MAGI2: variants seen among roughly 807,000 people sequenced by gnomAD.
The protein encoded by MAGI2 is membrane associated guanylate kinase, WW and PDZ domain containing 2.
A neutral mutation model predicts 133.3 loss-of-function variants in MAGI2; 35 were observed. That is an observed-to-expected ratio of 0.26 (90% CI 0.20 to 0.35). MAGI2 has a LOEUF of 0.35. MAGI2 is among the 10% of genes least tolerant of loss of function. MAGI2 has a pLI of 1.00. For synonymous variants in MAGI2, 729 were observed against 710.6 expected, an observed-to-expected ratio of 1.03 and a Z score of -0.41; for missense variants, 1,636 against 1,863.4, an observed-to-expected ratio of 0.88 and a Z score of 2.25.
intron 2 of MAGI2, among the ~76,000 whole-genome samples, chr7:78,657,364 C>G (rs1239695571): frequency 2.6e-5 from 4 of 152,186 alleles, no homozygotes; most frequent in Non-Finnish European, 5.9e-5. Context: ...ACACAAAAAC[C>G]TGCATGTGGA....
intron 2 of MAGI2, among the ~76,000 whole-genome samples, chr7:78,964,747 G>A (rs567485800): frequency 1.3e-5 from 2 of 152,134 alleles, no homozygotes; most frequent in South Asian, 4.1e-4. Context: ...TATACAAGGA[G>A]TAGTTACCAG....
intron 1 of MAGI2, among the ~76,000 whole-genome samples, chr7:79,148,530 T>G (rs1822867658): frequency 6.6e-6 from 1 of 152,174 alleles, no homozygotes; most frequent in African/African-American, 2.4e-5. Context: ...TATATCTTCT[T>G]GTTTGGGTTT....
intron 1 of MAGI2, among the ~76,000 whole-genome samples, chr7:79,084,354 T>G (rs111630286): frequency 6.6e-6 from 1 of 151,772 alleles, no homozygotes; most frequent in African/African-American, 2.4e-5. Flanking sequence ...GTTTTCAATT[T>G]AACTGTTTTT....
intron 6 of MAGI2, among the ~76,000 whole-genome samples, chr7:78,410,236 C>A (rs1329440634): frequency 6.6e-6 from 1 of 152,038 alleles, no homozygotes; most frequent in Non-Finnish European, 1.5e-5. Flanking sequence ...TTGGCGAAGA[C>A]TTTACAGAAT....
At chr7:78,236,042 T>TC (rs1790504718) in intron 10 of MAGI2, among the ~76,000 whole-genome samples, 1 of 151,962 alleles carries the variant, frequency 6.6e-6, no homozygotes, top group South Asian at 2.1e-4. Context: ...TTTTTTTTTT[T>TC]TTCTGAGTGA....
chr7:78,912,685 C>T (rs192985862), intron 2 of MAGI2, among the ~76,000 whole-genome samples: 8 of 149,398 alleles, frequency 5.4e-5, no homozygotes, highest in Admixed American at 2.7e-4. Context: ...ACCTTGTGTT[C>T]GTGTGAGTTA....
chr7:78,021,887 G>T (rs976910470), intron 21 of MAGI2, among the ~76,000 whole-genome samples: 1 of 152,158 alleles, frequency 6.6e-6, no homozygotes, highest in Non-Finnish European at 1.5e-5. Context: ...ACTTTCTAAG[G>T]GAAAGCACTT....
chr7:78,176,231 A>G (rs529025371), intron 14 of MAGI2, among the ~76,000 whole-genome samples: 11 of 152,240 alleles, frequency 7.2e-5, no homozygotes, highest in Non-Finnish European at 1.3e-4. Context: ...TGAGCCCTGT[A>G]TTTTACCTCA....
At chr7:79,334,365 TATC>T (rs905769185) in intron 1 of MAGI2, among the ~76,000 whole-genome samples, 3 of 152,178 alleles carry the variant, frequency 2.0e-5, no homozygotes, top group African/African-American at 7.2e-5. Flanking sequence ...GGTTGAGAAA[TATC>T]ATTTTGAATT....
At chr7:78,646,599 A>G (rs1474080489) in intron 2 of MAGI2, among the ~76,000 whole-genome samples, 1 of 152,238 alleles carries the variant, frequency 6.6e-6, no homozygotes, top group Non-Finnish European at 1.5e-5. Flanking sequence ...CTACAAAAAT[A>G]TACTTGGCAA....
chr7:78,733,623 C>T (rs1218519331), intron 2 of MAGI2, among the ~76,000 whole-genome samples: 2 of 152,010 alleles, frequency 1.3e-5, no homozygotes, highest in African/African-American at 2.4e-5. Flanking sequence ...TTAAAAGTAT[C>T]CTAAAATAAT....
At chr7:78,783,012 C>CTTTTTTTTTTTTTTTT (rs11432048) in intron 2 of MAGI2, among the ~76,000 whole-genome samples, 13 of 96,196 alleles carry the variant, frequency 1.4e-4, no homozygotes, top group South Asian at 3.6e-4. Flanking sequence ...TGATTCTTAC[C>CTTTTTTTTTTTTTTTT]TTTTTTTTTT....
rs71095386 is a variant in MAGI2 at position 79,191,402 on chromosome 7, C to CTTTTTTTTTTTTTTTTTTT, written c.302-184215_302-184197dup. 8.5e-4 allele frequency among the ~76,000 whole-genome samples: 19 copies of CTTTTTTTTTTTTTTTTTTT among 22,330 alleles called. 4 individuals are homozygous for CTTTTTTTTTTTTTTTTTTT. Among genetic ancestry groups the CTTTTTTTTTTTTTTTTTTT allele is most frequent in the African/African-American group, 1.7e-3 (13 of 7,586 alleles). 14.6% of individuals were successfully genotyped at this position (22,330 alleles called of 152,430 possible). ...TCTTTTTTTCTTTTTCTTTTTCTTT[C>CTTTTTTTTTTTTTTTTTTT]TTTTTTTTTTTTTTTTTTTTTTTTT... On this transcript the variant is annotated intron_variant, in intron 1 of 21. Transcript: ENST00000354212.
intron 1 of MAGI2, among the ~76,000 whole-genome samples, chr7:79,306,333 T>TAC (rs1476716855): frequency 2.7e-5 from 4 of 147,818 alleles, no homozygotes; most frequent in African/African-American, 4.9e-5. Context: ...TGTATATATA[T>TAC]ATATATTTGT....
At chr7:78,272,384 T>C (rs1452451139) in intron 9 of MAGI2, among the ~76,000 whole-genome samples, 2 of 152,232 alleles carry the variant, frequency 1.3e-5, no homozygotes, top group African/African-American at 4.8e-5. Context: ...TTAGAATAAA[T>C]GCGACGTGGT....
rs1332874087 is a variant in MAGI2, at chr7:79,364,467, G to A, written c.301+88553C>T. Among the ~76,000 whole-genome samples, 3 of 151,966 alleles carry A rather than the reference G, an allele frequency of 2.0e-5. No homozygotes were observed. The East Asian group carries it at 5.8e-4, about 29-fold the overall frequency. On this transcript the variant is annotated intron_variant, in intron 1 of 21. Transcript: ENST00000354212. ...ATGTTGTACACTATACATATATAAC[G>A]ACTTTATTTTTACATACAAAATAAA... is the stretch of plus-strand genomic sequence containing the variant.
intron 10 of MAGI2, among the ~76,000 whole-genome samples, chr7:78,226,447 C>G (rs1397748272): frequency 6.6e-6 from 1 of 152,084 alleles, no homozygotes. Context: ...TATAGCTGAG[C>G]CTTGAGACCA....
intron 9 of MAGI2, among the ~76,000 whole-genome samples, chr7:78,304,343 A>T (rs377148627): frequency 6.6e-6 from 1 of 151,942 alleles, no homozygotes; most frequent in East Asian, 1.9e-4. Context: ...GGATGCTCCT[A>T]CCTTTTCCTC....
intron 2 of MAGI2, among the ~76,000 whole-genome samples, chr7:78,971,424 G>A (rs1803775110): frequency 6.6e-6 from 1 of 151,938 alleles, no homozygotes; most frequent in Non-Finnish European, 1.5e-5. Context: ...ATATTCTATG[G>A]TAGGTACAGC....
Sources: gnomAD v4.1 joint callset for allele counts (sites outside exome capture counted in the v4.1 genomes callset) on GRCh38, gnomAD v4.1.1 for gene constraint, MANE v1.5 for transcripts, NCBI Gene and HGNC (gene_info 2026-07-23, HGNC 2026-07-21) for gene names.